The following TRIOBP variants were observed in gnomAD, a reference collection of about 807,000 sequenced individuals.
TRIOBP encodes the protein TRIO and F-actin binding protein.
In TRIOBP, 169 loss-of-function variants were observed where a neutral mutation model predicts 238.8. The ratio of observed to expected loss-of-function variants is 0.71; its 90% confidence interval spans 0.62 to 0.80. TRIOBP has a LOEUF of 0.80. TRIOBP is among the 30% of genes least tolerant of loss of function. TRIOBP has a pLI of 0.00. For missense variants in TRIOBP, 2,838 were observed against 3,122.6 expected, an observed-to-expected ratio of 0.91 and a Z score of 2.17; for synonymous variants, 1,150 against 1,274.4, an observed-to-expected ratio of 0.90 and a Z score of 2.08.
intron 2 of TRIOBP, among the ~76,000 whole-genome samples, chr22:37,699,927 G>A (rs1922558750): frequency 6.6e-6 from 1 of 151,874 alleles, no homozygotes; most frequent in African/African-American, 2.4e-5. Context: ...TGCTCAGTCT[G>A]GAGTGAAGTG....
At chr22:37,757,591 C>A in intron 15 of TRIOBP, 22 bp from the exon 16 acceptor site, 1 of 1,563,770 alleles carries the variant, frequency 6.4e-7, no homozygotes, top group Non-Finnish European at 8.6e-7. Context: ...ACCCACCTGA[C>A]GTGGCTCTGC....
rs577259667 is a variant in TRIOBP, at chr22:37,757,471, G to A, written c.5688-142G>A. ...GTTCCTGGGGTCTGTTAACCAGGAA[G>A]CTCAGGTCGGGCTGCTTCCTTCCCT... is the stretch of plus-strand genomic sequence containing the variant. On this transcript the variant is annotated intron_variant, in intron 15 of 23. Transcript: ENST00000644935. 1.5e-5 allele frequency: 17 copies of A among 1,146,298 alleles called. No individual in the cohort carries two copies. The African/African-American group carries it at 2.4e-4, about 16-fold the overall frequency. The allele number at this position is 1,146,298 out of a possible 1,614,324, so 71.0% of individuals were successfully genotyped here. A position where few individuals can be genotyped will look rare whatever the true frequency, so the allele number is the denominator to read the frequency against.
intron 6 of TRIOBP, among the ~76,000 whole-genome samples, chr22:37,721,860 T>C (rs1455063543): frequency 2.6e-5 from 4 of 152,174 alleles, no homozygotes; most frequent in Non-Finnish European, 4.4e-5. Flanking sequence ...TACATAGGGG[T>C]GCTCAACACC....
At chr22:37,743,971 G>A (rs1925090892) in intron 11 of TRIOBP, among the ~76,000 whole-genome samples, 1 of 151,452 alleles carries the variant, frequency 6.6e-6, no homozygotes, top group Non-Finnish European at 1.5e-5. Context: ...TCTTATCCTG[G>A]GAATTCCTAG....
At position 37,734,537 on chromosome 22, in the gene TRIOBP, A is replaced by G. The variant is rs1924568025; in HGVS notation, c.4201A>G (p.Arg1401Gly). 1 of 1,599,410 alleles carries G rather than the reference A, an allele frequency of 6.3e-7. No homozygotes were observed. Among genetic ancestry groups the G allele is most frequent in the South Asian group, 1.1e-5 (1 of 89,300 alleles). Residue 1401 changes from arginine to glycine, a missense_variant, in exon 9 of 24, where the codon AGG (arginine) becomes GGG (glycine). Coordinates refer to ENST00000644935, the MANE Select transcript of TRIOBP (RefSeq NM_001039141.3). ...GSPLPPRTSA[R>G]TPERELRTQR... Reference sequence around the variant, plus strand: ...CCCGCTGCCCCCCAGGACATCAGCCAGGACCCCTGAGAGGGAGCTGCGGAC... The same window carrying G: ...CCCGCTGCCCCCCAGGACATCAGCCGGGACCCCTGAGAGGGAGCTGCGGAC...
intron 12 of TRIOBP, among the ~76,000 whole-genome samples, chr22:37,752,875 G>T (rs11089854): frequency 6.6e-6 from 1 of 152,038 alleles, no homozygotes; most frequent in Admixed American, 6.5e-5. Context: ...ACCCCTTGGT[G>T]CACAGACAGG....
At chr22:37,713,856 T>A (rs1326298590) in intron 5 of TRIOBP, among the ~76,000 whole-genome samples, 1 of 152,174 alleles carries the variant, frequency 6.6e-6, no homozygotes, top group Non-Finnish European at 1.5e-5. Flanking sequence ...GGGGGTCATT[T>A]AACCACGAAA....
chr22:37,726,483 CCTCTT>C lies in TRIOBP; in HGVS notation c.3929_3933del (p.Leu1310ArgfsTer69). The C allele has an allele frequency of 6.5e-7, 1 of 1,532,566 alleles. No homozygotes were observed. Among genetic ancestry groups the C allele is most frequent in the Non-Finnish European group, 8.7e-7 (1 of 1,145,348 alleles). 94.9% of individuals were successfully genotyped at this position (1,532,566 alleles called of 1,614,324 possible). A position where few individuals can be genotyped will look rare whatever the true frequency, so the allele number is the denominator to read the frequency against. On this transcript the variant is annotated frameshift_variant, in exon 7 of 24. Transcript: ENST00000644935. LOFTEE classifies it high-confidence loss of function. ...GCCCTGGCCGTGCAGAGGTGGAGCG[CCTCTT>C]CGGGCAAGAGCGCAGGTGAGCCCGG... is the stretch of plus-strand genomic sequence containing the variant.
intron 10 of TRIOBP, 53 bp downstream of exon 10, chr22:37,738,772 G>A (rs1165462702): frequency 6.4e-7 from 1 of 1,572,322 alleles, no homozygotes; most frequent in Non-Finnish European, 8.7e-7. Flanking sequence ...GGGGGAAGCA[G>A]GTTGGAGATG....
chr22:37,769,474 G>A, intron 21 of TRIOBP, 99 bp downstream of exon 21: 3 of 1,228,248 alleles, frequency 2.4e-6, no homozygotes, highest in Non-Finnish European at 3.5e-6. Context: ...TGGCAGGAAA[G>A]CCAAGTCTCC....
intron 11 of TRIOBP, among the ~76,000 whole-genome samples, chr22:37,749,763 A>G (rs1331013398): frequency 2.0e-5 from 3 of 148,412 alleles, no homozygotes; most frequent in Non-Finnish European, 4.4e-5. Context: ...CCTGGGAAAC[A>G]TAGGGAGACC....
chr22:37,755,789 G>A (rs1018406160), intron 15 of TRIOBP, 130 bp downstream of exon 15: 1 of 766,776 alleles, frequency 1.3e-6, no homozygotes, highest in African/African-American at 1.7e-5. Flanking sequence ...CATGGGAAGA[G>A]AGTAGTGAGC....
At chr22:37,733,666 CTTTTT>C (rs529942326) in intron 8 of TRIOBP, among the ~76,000 whole-genome samples, 4 of 97,368 alleles carry the variant, frequency 4.1e-5, no homozygotes, top group East Asian at 3.2e-4. Context: ...GCACTGCTGT[CTTTTT>C]TTTTTTTTTT....
chr22:37,744,732 C>T (rs1314602815), intron 11 of TRIOBP, among the ~76,000 whole-genome samples: 2 of 152,158 alleles, frequency 1.3e-5, no homozygotes, highest in Non-Finnish European at 2.9e-5. Context: ...AGGCCAGTTT[C>T]TAGAGTTAGA....
At chr22:37,744,366 ATG>A (rs1265374090) in intron 11 of TRIOBP, among the ~76,000 whole-genome samples, 1 of 152,192 alleles carries the variant, frequency 6.6e-6, no homozygotes, top group African/African-American at 2.4e-5. Context: ...TGACCAAAGT[ATG>A]TGTCTCTCCA....
At chr22:37,721,491 G>A (rs1385568902) in intron 6 of TRIOBP, among the ~76,000 whole-genome samples, 1 of 152,040 alleles carries the variant, frequency 6.6e-6, no homozygotes, top group Non-Finnish European at 1.5e-5. Flanking sequence ...TTCGTTTTTT[G>A]TTTTAAGACA....
In TRIOBP at chr22:37,755,115, T is replaced by C. The variant is rs1405999073; in HGVS notation, c.5502T>C (p.Asp1834=). The change falls in exon 14 of 24, where the codon GAT becomes GAC. Residue 1834 remains aspartate (D), a synonymous_variant. Transcript: ENST00000644935. The part of the protein sequence containing the change: ...DSTAEEADEL[D]GEIDLRSCTD... ...TCTTGCTCCAGGCAGATGAGCTGGATGGTGAGATCGACCTGCGTTCCTGCA... is the reference window on the plus strand; with the variant it reads ...TCTTGCTCCAGGCAGATGAGCTGGACGGTGAGATCGACCTGCGTTCCTGCA... 1 of 1,613,622 alleles carries C rather than the reference T, an allele frequency of 6.2e-7. No homozygotes were observed. Among genetic ancestry groups the C allele is most frequent in the Non-Finnish European group, 8.5e-7 (1 of 1,179,874 alleles).
chr22:37,752,184 G>C (rs565088103), intron 12 of TRIOBP, among the ~76,000 whole-genome samples: 1 of 152,194 alleles, frequency 6.6e-6, no homozygotes, highest in African/African-American at 2.4e-5. Context: ...CTGGTCTGAG[G>C]GGGGTGGGGC....
At position 37,724,761 on chromosome 22, in the gene TRIOBP, C is replaced by A; in HGVS notation, c.2205C>A (p.Arg735=). Reference sequence around the variant, plus strand: ...GGGACAATCCCAGAGCCTCCTCTCGCAACAGAACCATCCAGCGAGACAACC... The same window carrying A: ...GGGACAATCCCAGAGCCTCCTCTCGAAACAGAACCATCCAGCGAGACAACC... The part of the protein sequence containing the change: ...ARRDNPRASS[R]NRTIQRDNPR... The change falls in exon 7 of 24, where the codon CGC becomes CGA. Residue 735 remains arginine (R), a synonymous_variant. Transcript: ENST00000644935. The A allele has an allele frequency of 6.2e-7, 1 of 1,604,022 alleles. No homozygotes were observed. Among genetic ancestry groups the A allele is most frequent in the Non-Finnish European group, 8.5e-7 (1 of 1,174,946 alleles).
Sources: gnomAD v4.1 joint callset for allele counts (sites outside exome capture counted in the v4.1 genomes callset) on GRCh38, gnomAD v4.1.1 for gene constraint, MANE v1.5 for transcripts, NCBI Gene and HGNC (gene_info 2026-07-23, HGNC 2026-07-21) for gene names.